The following NTNG1 variants were observed in gnomAD, a reference collection of about 807,000 sequenced individuals.
NTNG1 encodes the protein netrin-G1.
NTNG1 carries 16 observed loss-of-function variants against 54.0 expected under a neutral mutation model. That is an observed-to-expected ratio of 0.30 (90% CI 0.20 to 0.45). The LOEUF (loss-of-function observed/expected upper bound fraction) is 0.45. NTNG1 is among the 20% of genes least tolerant of loss of function. The probability of loss-of-function intolerance (pLI) is 1.00; values close to 1 mark genes in which losing one functional copy is unlikely to be tolerated. For missense variants in NTNG1, 530 were observed against 678.7 expected, an observed-to-expected ratio of 0.78 and a Z score of 2.43; for synonymous variants, 255 against 263.1, an observed-to-expected ratio of 0.97 and a Z score of 0.30.
intron 3 of NTNG1, among the ~76,000 whole-genome samples, chr1:107,371,884 C>T (rs1570789417): frequency 1.3e-5 from 2 of 151,938 alleles, no homozygotes; most frequent in East Asian, 3.9e-4. Context: ...GAAATATTTG[C>T]ATTATATACT....
intron 2 of NTNG1, among the ~76,000 whole-genome samples, chr1:107,206,821 C>T (rs1338590097): frequency 6.6e-6 from 1 of 152,060 alleles, no homozygotes; most frequent in African/African-American, 2.4e-5. Flanking sequence ...ACTCATGGAG[C>T]ATTTAGACCA....
chr1:107,376,287 A>G (rs1020355829), intron 3 of NTNG1, among the ~76,000 whole-genome samples: 10 of 152,282 alleles, frequency 6.6e-5, no homozygotes, highest in African/African-American at 1.9e-4. Flanking sequence ...GGGCGCCTGT[A>G]GTCCCAGCTA....
chr1:107,151,412 G>A (rs1173284347), intron 2 of NTNG1, among the ~76,000 whole-genome samples: 6 of 152,072 alleles, frequency 3.9e-5, no homozygotes, highest in South Asian at 2.1e-4. Context: ...TGACTTATGC[G>A]TTCTCCCCTC....
intron 2 of NTNG1, among the ~76,000 whole-genome samples, chr1:107,269,694 C>T (rs1312925114): frequency 2.0e-5 from 3 of 152,230 alleles, no homozygotes; most frequent in Non-Finnish European, 4.4e-5. Flanking sequence ...TTTCTTCTAG[C>T]TCTGCAGCTA....
chr1:107,446,853 G>A (rs1044955732), intron 7 of NTNG1, among the ~76,000 whole-genome samples: 8 of 152,192 alleles, frequency 5.3e-5, no homozygotes, highest in African/African-American at 1.9e-4. Context: ...TGATTGTCTT[G>A]ATGTAAATTC....
intron 5 of NTNG1, among the ~76,000 whole-genome samples, chr1:107,419,959 T>C (rs1674475032): frequency 6.6e-6 from 1 of 152,092 alleles, no homozygotes; most frequent in Admixed American, 6.6e-5. Context: ...AGCTTGCCCC[T>C]ATTAGTATAA....
At chr1:107,446,226 A>G (rs505851) in intron 7 of NTNG1, among the ~76,000 whole-genome samples, 146,661 of 152,148 alleles carry the variant, frequency 0.96, 70,905 homozygotes, top group East Asian at 1. Context: ...CCAGAAACAT[A>G]AGGGCTTTGA....
chr1:107,337,884 G>A (rs1237636758), intron 3 of NTNG1, among the ~76,000 whole-genome samples: 1 of 152,040 alleles, frequency 6.6e-6, no homozygotes, highest in East Asian at 1.9e-4. Flanking sequence ...ATAAGTTTTA[G>A]AGAAAGAATT....
At chr1:107,208,031 C>T (rs932871532) in intron 2 of NTNG1, among the ~76,000 whole-genome samples, 1 of 152,156 alleles carries the variant, frequency 6.6e-6, no homozygotes, top group Admixed American at 6.5e-5. Flanking sequence ...CCCTCCTCTT[C>T]ATCATGATCG....
chr1:107,390,699 C>T (rs779139262), intron 3 of NTNG1, among the ~76,000 whole-genome samples: 2 of 152,124 alleles, frequency 1.3e-5, no homozygotes, highest in Non-Finnish European at 2.9e-5. Flanking sequence ...GACATTCCTG[C>T]TTTCAGGAAG....
rs569843195 is a variant in NTNG1, at chr1:107,232,012, C to T, written c.246+83173C>T. Among the ~76,000 whole-genome samples, 5 of 152,262 alleles carry T rather than the reference C, an allele frequency of 3.3e-5. No individual in the cohort carries two copies. In the East Asian group the frequency reaches 5.8e-4, roughly 18 times the overall value. On this transcript the variant is annotated intron_variant, in intron 2 of 7. Transcript: ENST00000370068. ...AAAGAATAATGAAGGCCTCTTGATT[C>T]AGAAACTCTGAATAGCAGCTTGGTA...
At chr1:107,181,257 C>T (rs1035683416) in intron 2 of NTNG1, among the ~76,000 whole-genome samples, 47 of 152,286 alleles carry the variant, frequency 3.1e-4, no homozygotes, top group African/African-American at 1.1e-3. Flanking sequence ...GAGACAATGA[C>T]AGTGAGTTCT....
At chr1:107,259,433 G>T (rs1230353647) in intron 2 of NTNG1, among the ~76,000 whole-genome samples, 1 of 152,186 alleles carries the variant, frequency 6.6e-6, no homozygotes, top group South Asian at 2.1e-4. Context: ...ATGTAACACA[G>T]CTTAAATTTA....
intron 3 of NTNG1, among the ~76,000 whole-genome samples, chr1:107,350,222 T>A (rs1296551082): frequency 6.6e-6 from 1 of 152,198 alleles, no homozygotes; most frequent in African/African-American, 2.4e-5. Flanking sequence ...TTTGCCCATT[T>A]TTAATGAGAG....
At chr1:107,374,846 T>C (rs1430780589) in intron 3 of NTNG1, among the ~76,000 whole-genome samples, 1 of 152,124 alleles carries the variant, frequency 6.6e-6, no homozygotes, top group Non-Finnish European at 1.5e-5. Flanking sequence ...TTTTTTTTTC[T>C]GTGATTTATT....
chr1:107,227,955 T>C (rs958617866), intron 2 of NTNG1, among the ~76,000 whole-genome samples: 7 of 152,320 alleles, frequency 4.6e-5, no homozygotes, highest in African/African-American at 1.7e-4. Context: ...AATTAAAGAA[T>C]TGTTCACTAA....
At chr1:107,453,684 G>T (rs1676760110) in intron 7 of NTNG1, among the ~76,000 whole-genome samples, 1 of 151,966 alleles carries the variant, frequency 6.6e-6, no homozygotes, top group Non-Finnish European at 1.5e-5. Flanking sequence ...TAGGGAAGTG[G>T]GCTAGACTCT....
chr1:107,271,023 A>G (rs2101689492), intron 2 of NTNG1, among the ~76,000 whole-genome samples: 1 of 152,234 alleles, frequency 6.6e-6, no homozygotes, highest in Middle Eastern at 3.4e-3. Flanking sequence ...ATATTCAACC[A>G]AAAGGATTTA....
intron 2 of NTNG1, among the ~76,000 whole-genome samples, chr1:107,313,003 A>G (rs1667116663): frequency 6.6e-6 from 1 of 152,180 alleles, no homozygotes; most frequent in South Asian, 2.1e-4. Flanking sequence ...ACAATTTGAC[A>G]GTCAAAGTCA....
Sources: allele counts gnomAD v4.1 joint callset (sites outside exome capture counted in the v4.1 genomes callset), GRCh38; gene constraint gnomAD v4.1.1; transcripts MANE v1.5; gene names NCBI Gene and HGNC (gene_info 2026-07-23, HGNC 2026-07-21).